The following KCND2 variants were observed in gnomAD, a reference collection of about 807,000 sequenced individuals.
KCND2 encodes the protein A-type voltage-gated potassium channel KCND2.
KCND2 carries 16 observed loss-of-function variants against 54.4 expected under a neutral mutation model. The ratio of observed to expected loss-of-function variants is 0.29; its 90% CI spans 0.20 to 0.45. The LOEUF (loss-of-function observed/expected upper bound fraction) is 0.45, where lower values mean the gene tolerates loss of function less well. Ranked by LOEUF, KCND2 falls within the 20% of genes least tolerant of loss-of-function variation. The pLI, the probability that KCND2 is intolerant of heterozygous loss-of-function variation, is 1.00. For missense variants in KCND2, 486 were observed against 824.2 expected, an observed-to-expected ratio of 0.59 and a Z score of 5.02; for synonymous variants, 317 against 310.7, an observed-to-expected ratio of 1.02 and a Z score of -0.21.
At chr7:120,553,699 G>GT (rs1376862280) in intron 1 of KCND2, among the ~76,000 whole-genome samples, 2 of 152,204 alleles carry the variant, frequency 1.3e-5, no homozygotes, top group Non-Finnish European at 2.9e-5. Context: ...AGGTCATCCT[G>GT]TGAGTACAGA....
chr7:120,495,118 G>T (rs1802831408), intron 1 of KCND2, among the ~76,000 whole-genome samples: 1 of 152,080 alleles, frequency 6.6e-6, no homozygotes, highest in Non-Finnish European at 1.5e-5. Context: ...TTTAAAAGAT[G>T]TAAGGTTTTT....
intron 1 of KCND2, among the ~76,000 whole-genome samples, chr7:120,409,383 G>A (rs942060387): frequency 6.6e-6 from 1 of 151,828 alleles, no homozygotes; most frequent in African/African-American, 2.4e-5. Context: ...AAACATTTTT[G>A]TAGACATATT....
intron 1 of KCND2, among the ~76,000 whole-genome samples, chr7:120,534,478 A>G (rs953168197): frequency 1.3e-5 from 2 of 152,014 alleles, no homozygotes; most frequent in South Asian, 4.1e-4. Flanking sequence ...AACAAACAAA[A>G]TCTGAGAAAC....
intron 1 of KCND2, among the ~76,000 whole-genome samples, chr7:120,640,358 A>G (rs961825872): frequency 4.7e-4 from 71 of 152,340 alleles, no homozygotes; most frequent in African/African-American, 1.5e-3. Context: ...AAATGTCAAT[A>G]GGCTTCTTGA....
rs143605057 is a variant in KCND2, at chr7:120,436,966, C to G, written c.1115+161219C>G. On this transcript the variant is annotated intron_variant, in intron 1 of 5. Transcript: ENST00000331113. Reference sequence around the variant, plus strand: ...GATCTATGGATATCAGTAAAGCACTCTCTTTCTCAGTGATGTCACAAATGT... The same window carrying G: ...GATCTATGGATATCAGTAAAGCACTGTCTTTCTCAGTGATGTCACAAATGT... Among the ~76,000 whole-genome samples the G allele has an allele frequency of 4.7e-3, 718 of 152,240 alleles. 7 individuals carry two copies. The highest frequency in any genetic ancestry group is 0.016 in the African/African-American group (676 of 41,552).
chr7:120,411,412 A>G (rs1054745870), intron 1 of KCND2, among the ~76,000 whole-genome samples: 3 of 151,934 alleles, frequency 2.0e-5, no homozygotes, highest in East Asian at 1.9e-4. Context: ...GGTGGCCTCA[A>G]TACATTTCAG....
chr7:120,347,916 C>A (rs1380696355), intron 1 of KCND2, among the ~76,000 whole-genome samples: 1 of 152,060 alleles, frequency 6.6e-6, no homozygotes, highest in East Asian at 1.9e-4. Flanking sequence ...TGGTGAGGGA[C>A]CTCTTCCAGG....
chr7:120,317,917 C>A (rs1403951908), intron 1 of KCND2, among the ~76,000 whole-genome samples: 1 of 152,146 alleles, frequency 6.6e-6, no homozygotes, highest in East Asian at 1.9e-4. Flanking sequence ...GATACACAAT[C>A]TTCCTGCAGT....
intron 1 of KCND2, among the ~76,000 whole-genome samples, chr7:120,464,765 G>A (rs1802343767): frequency 6.6e-6 from 1 of 152,100 alleles, no homozygotes; most frequent in Non-Finnish European, 1.5e-5. Flanking sequence ...TGCGGCCAAG[G>A]GGGCACTTTC....
intron 1 of KCND2, among the ~76,000 whole-genome samples, chr7:120,651,818 C>T (rs1038023931): frequency 2.0e-5 from 3 of 152,170 alleles, no homozygotes; most frequent in African/African-American, 4.8e-5. Context: ...TCACATTTAC[C>T]TCCACCTTAA....
At chr7:120,276,486 C>T (rs1799176956) in intron 1 of KCND2, among the ~76,000 whole-genome samples, 1 of 151,978 alleles carries the variant, frequency 6.6e-6, no homozygotes, top group Non-Finnish European at 1.5e-5. Flanking sequence ...CTACAGATCC[C>T]ATCAGGCAAT....
chr7:120,323,066 G>T (rs1290950735), intron 1 of KCND2, among the ~76,000 whole-genome samples: 2 of 152,016 alleles, frequency 1.3e-5, no homozygotes, highest in Non-Finnish European at 2.9e-5. Flanking sequence ...TGCTATGGTG[G>T]TTTGCTGCAC....
chr7:120,729,939 G>C (rs1331620566), intron 1 of KCND2, among the ~76,000 whole-genome samples: 1 of 152,092 alleles, frequency 6.6e-6, no homozygotes, highest in East Asian at 1.9e-4. Flanking sequence ...CAATAAACTG[G>C]TGTATCTCCT....
At chr7:120,467,474 A>C (rs1042245077) in intron 1 of KCND2, among the ~76,000 whole-genome samples, 4 of 152,112 alleles carry the variant, frequency 2.6e-5, no homozygotes, top group Non-Finnish European at 5.9e-5. Context: ...GGAGGCCATC[A>C]GGTGTTCTTT....
chr7:120,497,605 A>T (rs1388328588), intron 1 of KCND2, among the ~76,000 whole-genome samples: 1 of 152,144 alleles, frequency 6.6e-6, no homozygotes, highest in Non-Finnish European at 1.5e-5. Flanking sequence ...TGGCCATCCT[A>T]GGTCTAGTCT....
chr7:120,273,790 C>G lies in KCND2; in HGVS notation c.-843C>G, dbSNP rs1287416173. 2 of 152,836 alleles carry G rather than the reference C, an allele frequency of 1.3e-5. No homozygotes were observed. The highest frequency in any genetic ancestry group is 3.9e-4 in the East Asian group (2 of 5,180). 9.5% of individuals were successfully genotyped at this position (152,836 alleles called of 1,614,324 possible). On this transcript the variant is annotated 5_prime_UTR_variant, in exon 1 of 6. Transcript: ENST00000331113. ...GTATGTACCGCGGGAGCGGCGCGTTCTGCGCGGAAGCAGATGCTGCTGCCG... is the reference window on the plus strand; with the variant it reads ...GTATGTACCGCGGGAGCGGCGCGTTGTGCGCGGAAGCAGATGCTGCTGCCG...
At chr7:120,680,400 A>G (rs1792124250) in intron 1 of KCND2, among the ~76,000 whole-genome samples, 1 of 152,164 alleles carries the variant, frequency 6.6e-6, no homozygotes, top group Admixed American at 6.6e-5. Flanking sequence ...CCAGACTGTG[A>G]ACCCCATGAG....
chr7:120,292,395 T>C (rs530685668), intron 1 of KCND2, among the ~76,000 whole-genome samples: 9 of 152,092 alleles, frequency 5.9e-5, no homozygotes, highest in Non-Finnish European at 1.2e-4. Flanking sequence ...TATTCTATCA[T>C]ATTTACTTAA....
At chr7:120,719,638 C>A (rs1197185413) in intron 1 of KCND2, among the ~76,000 whole-genome samples, 1 of 152,014 alleles carries the variant, frequency 6.6e-6, no homozygotes, top group Non-Finnish European at 1.5e-5. Flanking sequence ...AACAGCCAGG[C>A]TCCAACATGT....
Sources: allele counts gnomAD v4.1 joint callset (sites outside exome capture counted in the v4.1 genomes callset), GRCh38; gene constraint gnomAD v4.1.1; transcripts MANE v1.5; gene names NCBI Gene and HGNC (gene_info 2026-07-23, HGNC 2026-07-21).